SLC25A26: variants seen among roughly 807,000 people sequenced by gnomAD.
The protein encoded by SLC25A26 is solute carrier family 25 member 26.
In SLC25A26, 36 loss-of-function variants were observed where a neutral mutation model predicts 37.8. The observed-to-expected ratio is 0.95, with a 90% CI of 0.73 to 1.26. The LOEUF (loss-of-function observed/expected upper bound fraction) is 1.26. SLC25A26 is among the 50% of genes most tolerant of loss of function. The pLI is 0.00. For synonymous variants in SLC25A26, 129 were observed against 122.5 expected, an observed-to-expected ratio of 1.05 and a Z score of -0.35; for missense variants, 390 against 331.1, an observed-to-expected ratio of 1.18 and a Z score of -1.38.
chr3:66,185,862 T>G (rs978937225), intron 1 of SLC25A26, among the ~76,000 whole-genome samples: 20 of 152,152 alleles, frequency 1.3e-4, no homozygotes, highest in African/African-American at 4.1e-4. Flanking sequence ...GAACTAGACT[T>G]TTACTTTGAT....
At chr3:66,202,062 T>C (rs1027141236) in intron 1 of SLC25A26, among the ~76,000 whole-genome samples, 147,288 of 152,284 alleles carry the variant, frequency 0.97, 71,437 homozygotes, top group East Asian at 1. Context: ...GACACACACA[T>C]GTATGTTTAT....
intron 1 of SLC25A26, among the ~76,000 whole-genome samples, chr3:66,233,390 ATTTC>A (rs2072123814): frequency 6.6e-6 from 1 of 152,246 alleles, no homozygotes; most frequent in Admixed American, 6.5e-5. Context: ...GTTATGTCCT[ATTTC>A]TTTGGATTTT....
chr3:66,269,281 C>G (rs1287309991), intron 5 of SLC25A26, among the ~76,000 whole-genome samples: 1 of 152,158 alleles, frequency 6.6e-6, no homozygotes, highest in Non-Finnish European at 1.5e-5. Flanking sequence ...CTTGATATGT[C>G]TGCATTCAGA....
intron 1 of SLC25A26, among the ~76,000 whole-genome samples, chr3:66,140,490 C>T (rs1001136434): frequency 1.3e-5 from 2 of 152,152 alleles, no homozygotes; most frequent in African/African-American, 2.4e-5. Flanking sequence ...TCTAATCCTT[C>T]AACCAGTGCA....
intron 1 of SLC25A26, among the ~76,000 whole-genome samples, chr3:66,223,162 C>T (rs192878652): frequency 5.3e-5 from 8 of 152,246 alleles, no homozygotes; most frequent in East Asian, 3.9e-4. Flanking sequence ...ACTGAAGATG[C>T]GACAGAGTAG....
intron 9 of SLC25A26, among the ~76,000 whole-genome samples, chr3:66,376,165 T>C (rs926506206): frequency 4.0e-5 from 6 of 151,738 alleles, no homozygotes; most frequent in Non-Finnish European, 7.4e-5. Context: ...TTGGTTCTTA[T>C]GGGTGAGCAA....
chr3:66,346,430 TA>T (rs1283840885), intron 6 of SLC25A26, 22 bp downstream of exon 6: 2 of 1,354,454 alleles, frequency 1.5e-6, no homozygotes, highest in East Asian at 2.6e-5. Context: ...AGTCTTCACA[TA>T]AAATTTGTCT....
At chr3:66,150,555 T>A (rs1352710173) in intron 1 of SLC25A26, among the ~76,000 whole-genome samples, 1 of 125,018 alleles carries the variant, frequency 8.0e-6, no homozygotes, top group Non-Finnish European at 1.7e-5. Flanking sequence ...AAAATATATA[T>A]AATGATATAT....
intron 1 of SLC25A26, among the ~76,000 whole-genome samples, chr3:66,153,578 A>G (rs925086301): frequency 6.6e-6 from 1 of 152,242 alleles, no homozygotes; most frequent in Non-Finnish European, 1.5e-5. Flanking sequence ...ACACAACCGC[A>G]GAATGCGCAG....
chr3:66,358,868 A>G (rs2076635029), intron 6 of SLC25A26, among the ~76,000 whole-genome samples: 1 of 152,244 alleles, frequency 6.6e-6, no homozygotes, highest in Non-Finnish European at 1.5e-5. Context: ...TGATGTATGT[A>G]AAGTGCTTCA....
intron 3 of SLC25A26, among the ~76,000 whole-genome samples, chr3:66,245,927 C>T (rs548210035): frequency 3.2e-4 from 48 of 152,298 alleles, no homozygotes; most frequent in African/African-American, 1.1e-3. Context: ...AAACATCTCT[C>T]CCCAAAGGAA....
chr3:66,358,910 A>G (rs1011131929), intron 6 of SLC25A26, among the ~76,000 whole-genome samples: 5 of 152,222 alleles, frequency 3.3e-5, no homozygotes, highest in South Asian at 2.1e-4. Context: ...TGTATGTTCT[A>G]TGGAAGTGTG....
At chr3:66,136,490 T>C (rs2069948702) in intron 1 of SLC25A26, among the ~76,000 whole-genome samples, 2 of 152,242 alleles carry the variant, frequency 1.3e-5, no homozygotes, top group Non-Finnish European at 2.9e-5. Flanking sequence ...TGAATCCATG[T>C]CTATTTCATT....
rs896936574 is a variant in SLC25A26, at chr3:66,371,155, G to A, written c.707+553G>A. 7.7e-6 allele frequency: 11 copies of A among 1,433,296 alleles called. No individual in the cohort carries two copies. In the African/African-American group the frequency reaches 1.3e-4, roughly 17 times the overall value. The allele number at this position is 1,433,296 out of a possible 1,614,324, so 88.8% of individuals were successfully genotyped here. On this transcript the variant is annotated intron_variant, in intron 9 of 9. Coordinates refer to ENST00000354883, the MANE Select transcript of SLC25A26 (RefSeq NM_001379210.1). Reference sequence around the variant, plus strand: ...ACACCATAAACTTGTGAAGCCGCCTGAATGTTGAGATCTTACAGGCATGTG... The same window carrying A: ...ACACCATAAACTTGTGAAGCCGCCTAAATGTTGAGATCTTACAGGCATGTG...
chr3:66,376,779 A>G (rs1478216766), intron 9 of SLC25A26, among the ~76,000 whole-genome samples: 1 of 152,176 alleles, frequency 6.6e-6, no homozygotes, highest in Non-Finnish European at 1.5e-5. Flanking sequence ...AGGTTATGGA[A>G]GCGTGGGCCA....
intron 3 of SLC25A26, among the ~76,000 whole-genome samples, chr3:66,258,562 A>G (rs2073394770): frequency 6.6e-6 from 1 of 152,230 alleles, no homozygotes; most frequent in African/African-American, 2.4e-5. Context: ...ATGGAGATAT[A>G]ATGTAAGATG....
At chr3:66,238,347 A>G (rs1189990116) in intron 2 of SLC25A26, among the ~76,000 whole-genome samples, 1 of 152,142 alleles carries the variant, frequency 6.6e-6, no homozygotes, top group African/African-American at 2.4e-5. Flanking sequence ...GTGTGTTAAG[A>G]TATGTATTAA....
At chr3:66,217,900 C>A (rs1168995022), upstream of SLC25A26, among the ~76,000 whole-genome samples, 1 of 152,094 alleles carries the variant, frequency 6.6e-6, no homozygotes, top group South Asian at 2.1e-4. Flanking sequence ...CAAGTCAATG[C>A]GTTTTAGTAA....
At chr3:66,359,426 C>T (rs1260127470) in intron 6 of SLC25A26, among the ~76,000 whole-genome samples, 1 of 152,214 alleles carries the variant, frequency 6.6e-6, no homozygotes, top group Non-Finnish European at 1.5e-5. Context: ...ATCACATTCA[C>T]ATCTTACTGT....
Sources: gnomAD v4.1 joint callset for allele counts (sites outside exome capture counted in the v4.1 genomes callset) on GRCh38, gnomAD v4.1.1 for gene constraint, MANE v1.5 for transcripts, NCBI Gene and HGNC (gene_info 2026-07-23, HGNC 2026-07-21) for gene names.